The following CCDC134 variants were observed in gnomAD, a reference collection of about 807,000 sequenced individuals.
CCDC134 encodes coiled-coil domain-containing protein 134.
A neutral mutation model predicts 25.6 loss-of-function variants in CCDC134; 27 were observed. That is an observed-to-expected ratio of 1.05 (90% CI 0.78 to 1.45). The LOEUF is 1.45. Among genes scored for constraint, CCDC134 ranks in the 40% most tolerant of loss-of-function variants. The probability of loss-of-function intolerance (pLI) is 0.00; values close to 1 mark genes in which losing one functional copy is unlikely to be tolerated. For missense variants in CCDC134, 261 were observed against 286.7 expected, an observed-to-expected ratio of 0.91 and a Z score of 0.65; for synonymous variants, 110 against 115.0, an observed-to-expected ratio of 0.96 and a Z score of 0.28.
In CCDC134 at chr22:41,827,834, G is replaced by C. The variant is rs2148324107; in HGVS notation, c.*2011G>C. ...TGCCAGCAGCTGGAGCTGGGTGTCA[G>C]GACCAGCCCGCAAGCTCTTCCCTGC... On this transcript the variant is annotated 3_prime_UTR_variant, in exon 7 of 7. Coordinates refer to ENST00000255784, the MANE Select transcript of CCDC134 (RefSeq NM_024821.5). Among the ~76,000 whole-genome samples, 1 of 152,312 alleles carries C rather than the reference G, an allele frequency of 6.6e-6. No individual in the cohort carries two copies. Among genetic ancestry groups the C allele is most frequent in the Non-Finnish European group, 1.5e-5 (1 of 68,022 alleles).
chr22:41,805,052 G>C (rs1376875227), intron 1 of CCDC134, among the ~76,000 whole-genome samples: 1 of 152,158 alleles, frequency 6.6e-6, no homozygotes, highest in East Asian at 1.9e-4. Flanking sequence ...CTGAGCAACA[G>C]AGTGAGACTC....
In CCDC134 at chr22:41,825,013, G is replaced by C. The variant is rs1363583906; in HGVS notation, c.565-685G>C. 6.6e-6 allele frequency among the ~76,000 whole-genome samples: 1 copy of C among 152,020 alleles called. No homozygotes were observed. The highest frequency in any genetic ancestry group is 1.5e-5 in the Non-Finnish European group (1 of 68,012). On this transcript the variant is annotated intron_variant, in intron 6 of 6. Coordinates refer to ENST00000255784, the MANE Select transcript of CCDC134 (RefSeq NM_024821.5). The surrounding 1 kb of genome is among the most constrained non-coding windows in gnomAD (Gnocchi z 4.4). ...ATGCCGGGTGCAGGTGGGGCTCCTC[G>C]GTTTCTGCCCTGCTGCTCATCAGAA... is the stretch of plus-strand genomic sequence containing the variant.
chr22:41,802,208 CAG>C (rs1466260579), intron 1 of CCDC134, among the ~76,000 whole-genome samples: 1 of 151,666 alleles, frequency 6.6e-6, no homozygotes, highest in Non-Finnish European at 1.5e-5. Context: ...TTAAATTTGT[CAG>C]AGTTTTTAAC....
In CCDC134 at chr22:41,830,269, C is replaced by T. The variant is rs2148326039; in HGVS notation, c.*4446C>T. 6.6e-6 allele frequency among the ~76,000 whole-genome samples: 1 copy of T among 152,338 alleles called. No homozygotes were observed. Among genetic ancestry groups the T allele is most frequent in the South Asian group, 2.1e-4 (1 of 4,830 alleles). ...GGTTCGGGTCCAGCCACCCTTCTTC[C>T]ACCATTTCTACTGAGCCTTCAGTTG... On this transcript the variant is annotated 3_prime_UTR_variant, in exon 7 of 7. Coordinates refer to ENST00000255784, the MANE Select transcript of CCDC134 (RefSeq NM_024821.5).
intron 1 of CCDC134, among the ~76,000 whole-genome samples, chr22:41,803,805 A>G (rs1290675383): frequency 1.3e-5 from 2 of 152,004 alleles, no homozygotes; most frequent in Admixed American, 6.6e-5. Context: ...GAAAATAGGA[A>G]GTAATAGCAA....
intron 6 of CCDC134, among the ~76,000 whole-genome samples, chr22:41,819,187 C>A (rs1489500111): frequency 6.6e-6 from 1 of 152,216 alleles, no homozygotes; most frequent in African/African-American, 2.4e-5. Flanking sequence ...GTTCTGAGTT[C>A]TCCTGCTTCT....
chr22:41,813,491 T>C (rs1183560221), intron 5 of CCDC134, 46 bp downstream of exon 5: 2 of 1,598,946 alleles, frequency 1.3e-6, no homozygotes, highest in East Asian at 2.2e-5. Context: ...TGTCGGGTAG[T>C]GGACTAGGAT....
At position 41,820,100 on chromosome 22, in the gene CCDC134, A is replaced by G. The variant is rs552072952; in HGVS notation, c.565-5598A>G. ...AAGCTCTGCCTCCCAGGTTCACGCC[A>G]TTCTCCTGCCTCAGCCTCCTCAGTA... is the stretch of plus-strand genomic sequence containing the variant. On this transcript the variant is annotated intron_variant, in intron 6 of 6. Coordinates refer to ENST00000255784, the MANE Select transcript of CCDC134 (RefSeq NM_024821.5). Among the ~76,000 whole-genome samples the G allele has an allele frequency of 2.9e-3, 424 of 148,114 alleles. 1 individual carries two copies. The highest frequency in any genetic ancestry group is 5.3e-3 in the Non-Finnish European group (358 of 67,356).
rs1265830234 is a variant in CCDC134, at chr22:41,830,862, TC to T, written c.*5041del. On this transcript the variant is annotated 3_prime_UTR_variant, in exon 7 of 7. Transcript: ENST00000255784. ...TTTAACCTTCAGGTGAGCACACAGA[TC>T]CTTATTTTTTCTTTTCTTTTCTTTT... 6.6e-6 allele frequency among the ~76,000 whole-genome samples: 1 copy of T among 150,984 alleles called. No individual in the cohort carries two copies. Among genetic ancestry groups the T allele is most frequent in the Non-Finnish European group, 1.5e-5 (1 of 67,826 alleles).
chr22:41,819,963 TTATATATATATATATA>T lies in CCDC134; in HGVS notation c.565-5714_565-5699del, dbSNP rs34213936. ...GGAGAGCAGGCTGTGACTTACCACT[TTATATATATATATATA>T]TATATATATATATATATATAATTTT... On this transcript the variant is annotated intron_variant, in intron 6 of 6. Transcript: ENST00000255784. 1.3e-3 allele frequency among the ~76,000 whole-genome samples: 107 copies of T among 82,622 alleles called. 2 individuals are homozygous for T. Among genetic ancestry groups the T allele is most frequent in the Non-Finnish European group, 1.1e-3 (50 of 46,850 alleles). The allele number at this position is 82,622 out of a possible 152,430, so 54.2% of individuals were successfully genotyped here.
At position 41,813,288 on chromosome 22, in the gene CCDC134, C is replaced by T. The variant is rs760410693; in HGVS notation, c.335C>T (p.Thr112Met). Residue 112 changes from threonine to methionine, a missense_variant, in exon 5 of 7, where the codon ACG becomes ATG. Coordinates refer to ENST00000255784, the MANE Select transcript of CCDC134 (RefSeq NM_024821.5). ...KDAFSHVVEN[T>M]AFFGDVVLRF... is the part of the protein sequence containing the mutation. ...GCTTTCTCCCACGTGGTGGAGAACA[C>T]GGCCTTCTTCGGCGATGTGGTGCTG... 3.7e-6 allele frequency: 6 copies of T among 1,614,082 alleles called. No homozygotes were observed. The highest frequency in any genetic ancestry group is 2.2e-5 in the East Asian group (1 of 44,882).
At chr22:41,809,063 A>G in intron 2 of CCDC134, 70 bp downstream of exon 2, 1 of 1,306,022 alleles carries the variant, frequency 7.7e-7, no homozygotes, top group Non-Finnish European at 1.1e-6. Flanking sequence ...CTACTCAGGG[A>G]TTCCAGGGAT....
intron 6 of CCDC134, among the ~76,000 whole-genome samples, chr22:41,820,415 T>C (rs1175419623): frequency 6.6e-6 from 1 of 152,160 alleles, no homozygotes; most frequent in Admixed American, 6.5e-5. Flanking sequence ...TTCTCCTGCC[T>C]CAGCCTCCTG....
At position 41,831,146 on chromosome 22, in the gene CCDC134, A is replaced by G. The variant is rs62238557; in HGVS notation, c.*5323A>G. ...GGCAATCCGCCCACCTCAGCCTCCC[A>G]AAGTGCTGGGATTACAGGCGTGAGC... On this transcript the variant is annotated 3_prime_UTR_variant, in exon 7 of 7. Coordinates refer to ENST00000255784, the MANE Select transcript of CCDC134 (RefSeq NM_024821.5). 0.057 allele frequency: 8,639 copies of G among 151,552 alleles called. 325 individuals are homozygous for G. Among genetic ancestry groups the G allele is most frequent in the Non-Finnish European group, 0.09 (6,132 of 67,922 alleles). 9.4% of individuals were successfully genotyped at this position (151,552 alleles called of 1,614,324 possible).
intron 6 of CCDC134, among the ~76,000 whole-genome samples, chr22:41,814,230 G>C (rs1054244011): frequency 6.6e-6 from 1 of 152,134 alleles, no homozygotes; most frequent in Non-Finnish European, 1.5e-5. Flanking sequence ...GTTCCAGGGG[G>C]CTGAGGTGGG....
At chr22:41,818,961 C>CCA (rs2148316797) in intron 6 of CCDC134, among the ~76,000 whole-genome samples, 1 of 152,292 alleles carries the variant, frequency 6.6e-6, no homozygotes, top group East Asian at 1.9e-4. Context: ...ACAGCATAGG[C>CCA]CACAGAGAGA....
Position 41,825,624 on chromosome 22 carries a change from C to T in CCDC134, c.565-74C>T, listed in dbSNP as rs1237128748. 2 of 1,586,872 alleles carry T rather than the reference C, an allele frequency of 1.3e-6. No homozygotes were observed. Among genetic ancestry groups the T allele is most frequent in the Non-Finnish European group, 1.7e-6 (2 of 1,163,974 alleles). On this transcript the variant is annotated intron_variant, in intron 6 of 6. Transcript: ENST00000255784. This position sits in a 1 kb window ranked among gnomAD's most constrained non-coding sequence, Gnocchi z 4.4. ...CAGGGAACCTTCCTATTCCCACACC[C>T]CGCTGGTGGCCTAGCTCAGAGCAGG...
At chr22:41,812,540 A>G (rs1206499868) in intron 4 of CCDC134, among the ~76,000 whole-genome samples, 1 of 151,952 alleles carries the variant, frequency 6.6e-6, no homozygotes, top group Non-Finnish European at 1.5e-5. Context: ...GCTCATGCCT[A>G]TAATCCCAGA....
At chr22:41,819,963 TTATATATATA>T (rs34213936) in intron 6 of CCDC134, among the ~76,000 whole-genome samples, 49 of 82,618 alleles carry the variant, frequency 5.9e-4, no homozygotes, top group African/African-American at 2.5e-3. Flanking sequence ...ACTTACCACT[TTATATATATA>T]TATATATATA....
Sources: gnomAD v4.1 joint callset for allele counts (sites outside exome capture counted in the v4.1 genomes callset) on GRCh38, gnomAD v4.1.1 for gene constraint, Gnocchi (gnomAD v3.1) non-coding constraint, MANE v1.5 for transcripts, NCBI Gene and HGNC (gene_info 2026-07-23, HGNC 2026-07-21) for gene names.